The following ATRNL1 variants were observed in gnomAD, a reference collection of about 807,000 sequenced individuals.
ATRNL1 encodes the protein attractin like 1.
A neutral mutation model predicts 182.7 loss-of-function variants in ATRNL1; 95 were observed. That is an observed-to-expected ratio of 0.52 (90% CI 0.44 to 0.62). The LOEUF (loss-of-function observed/expected upper bound fraction) is 0.62, where lower values mean the gene tolerates loss of function less well. Ranked by LOEUF, ATRNL1 falls within the 20% of genes least tolerant of loss-of-function variation. The pLI, the probability that ATRNL1 is intolerant of heterozygous loss-of-function variation, is 0.00. For missense variants in ATRNL1, 1,471 were observed against 1,679.5 expected (o/e 0.88, Z 2.17); for synonymous variants, 576 against 568.3 (o/e 1.01, Z -0.19).
At chr10:115,643,123 A>AT (rs1480970434) in intron 26 of ATRNL1, among the ~76,000 whole-genome samples, 1 of 152,220 alleles carries the variant, frequency 6.6e-6, no homozygotes, top group Non-Finnish European at 1.5e-5. Context: ...AAAGTGCAAC[A>AT]TTCATTAAAG....
At chr10:115,109,044 C>G (rs143500385) in intron 1 of ATRNL1, among the ~76,000 whole-genome samples, 64 of 152,302 alleles carry the variant, frequency 4.2e-4, no homozygotes, top group African/African-American at 1.5e-3. Context: ...ATATTCTGAT[C>G]ATAAGCACTA....
chr10:115,472,709 A>C (rs1052810237), intron 24 of ATRNL1, among the ~76,000 whole-genome samples: 1 of 150,990 alleles, frequency 6.6e-6, no homozygotes, highest in African/African-American at 2.4e-5. Flanking sequence ...CTGCAACTTG[A>C]CTGAGTTTTT....
chr10:115,269,119 ATTTG>A (rs782482116), intron 13 of ATRNL1, among the ~76,000 whole-genome samples: 13 of 152,030 alleles, frequency 8.6e-5, no homozygotes, highest in East Asian at 1.9e-4. Flanking sequence ...CCCTATAATT[ATTTG>A]TTTATTTGTT....
At chr10:115,621,617 T>G (rs111411056) in intron 26 of ATRNL1, among the ~76,000 whole-genome samples, 2,985 of 152,136 alleles carry the variant, frequency 0.02, 110 homozygotes, top group African/African-American at 0.069. Flanking sequence ...CTGATTTTTT[T>G]TGTGTAATTT....
intron 24 of ATRNL1, among the ~76,000 whole-genome samples, chr10:115,469,799 A>C (rs570739800): frequency 6.6e-6 from 1 of 150,450 alleles, no homozygotes; most frequent in African/African-American, 2.4e-5. Flanking sequence ...CCTAATCTGT[A>C]CTACATGTGT....
At chr10:115,174,249 C>T (rs11197100) in intron 8 of ATRNL1, among the ~76,000 whole-genome samples, 1,994 of 151,492 alleles carry the variant, frequency 0.013, 40 homozygotes, top group African/African-American at 0.046. Flanking sequence ...TTTTCTTTTC[C>T]TTTCACTTCA....
chr10:115,237,425 CTAA>C (rs1850233607), intron 9 of ATRNL1, among the ~76,000 whole-genome samples: 1 of 152,184 alleles, frequency 6.6e-6, no homozygotes, highest in Non-Finnish European at 1.5e-5. Flanking sequence ...TTTAGCTATT[CTAA>C]TATGTGTGTA....
chr10:115,369,894 T>C (rs193268886), intron 19 of ATRNL1, among the ~76,000 whole-genome samples: 6 of 152,344 alleles, frequency 3.9e-5, no homozygotes, highest in Non-Finnish European at 2.9e-5. Flanking sequence ...TCTTTTCATG[T>C]CCTGATATGG....
intron 26 of ATRNL1, among the ~76,000 whole-genome samples, chr10:115,643,358 A>C (rs1859389274): frequency 6.6e-6 from 1 of 152,182 alleles, no homozygotes; most frequent in African/African-American, 2.4e-5. Context: ...CTAAACGTAA[A>C]GCTGAAAATC....
rs576404014 is a variant in ATRNL1 at position 115,313,188 on chromosome 10, C to G, written c.2819-2330C>G. Among the ~76,000 whole-genome samples, 144 of 151,724 alleles carry G rather than the reference C, an allele frequency of 9.5e-4. 1 individual carries two copies. Among genetic ancestry groups the G allele is most frequent in the African/African-American group, 3.4e-3 (139 of 41,358 alleles). ...TGAAGAGCTAGTGTGATCTTTTTGG[C>G]AGTATTATAAAACCCTATTTTTTCA... On this transcript the variant is annotated intron_variant, in intron 17 of 28. Coordinates refer to ENST00000355044, the MANE Select transcript of ATRNL1 (RefSeq NM_207303.4).
At chr10:115,520,625 G>A (rs548277571) in intron 25 of ATRNL1, among the ~76,000 whole-genome samples, 1 of 152,242 alleles carries the variant, frequency 6.6e-6, no homozygotes, top group Admixed American at 6.5e-5. Context: ...TCCTCAGATG[G>A]CATTTTCTAT....
chr10:115,531,854 C>G (rs1851605777), intron 25 of ATRNL1, among the ~76,000 whole-genome samples: 1 of 144,174 alleles, frequency 6.9e-6, no homozygotes, highest in Non-Finnish European at 1.6e-5. Context: ...TATGGCTAGC[C>G]AGTTTTCCCA....
Position 115,779,625 on chromosome 10 carries a change from A to C in ATRNL1, c.3903+52270A>C, listed in dbSNP as rs78893319. On this transcript the variant is annotated intron_variant, in intron 27 of 28. Transcript: ENST00000355044. ...AAGCTAAATATTAGGAGGACTGTGC[A>C]TATATCCTTTTTTATTTTTTCTAAA... Among the ~76,000 whole-genome samples, 1,514 of 152,326 alleles carry C rather than the reference A, an allele frequency of 9.9e-3. 28 individuals are homozygous for C. Among genetic ancestry groups the C allele is most frequent in the African/African-American group, 0.035 (1,441 of 41,568 alleles).
At chr10:115,789,642 T>G (rs550306195) in intron 27 of ATRNL1, among the ~76,000 whole-genome samples, 2 of 152,302 alleles carry the variant, frequency 1.3e-5, no homozygotes, top group Admixed American at 6.5e-5. Context: ...GGAAAATGCC[T>G]TTGTCATTTT....
intron 26 of ATRNL1, among the ~76,000 whole-genome samples, chr10:115,611,751 A>G (rs1327039537): frequency 6.6e-6 from 1 of 152,142 alleles, no homozygotes; most frequent in Non-Finnish European, 1.5e-5. Flanking sequence ...ATAATTTAGG[A>G]TAATATTTCA....
chr10:115,128,919 A>G (rs1367402022), intron 4 of ATRNL1, among the ~76,000 whole-genome samples: 1 of 151,772 alleles, frequency 6.6e-6, no homozygotes, highest in Non-Finnish European at 1.5e-5. Context: ...GCTCTTTTAT[A>G]TTATACAACC....
intron 28 of ATRNL1, among the ~76,000 whole-genome samples, chr10:115,880,432 T>C (rs1383115318): frequency 1.3e-5 from 2 of 152,216 alleles, no homozygotes; most frequent in Non-Finnish European, 2.9e-5. Flanking sequence ...GAGACCAGCC[T>C]GGCCAACATG....
At chr10:115,523,707 C>A (rs782792232) in intron 25 of ATRNL1, among the ~76,000 whole-genome samples, 1 of 152,144 alleles carries the variant, frequency 6.6e-6, no homozygotes, top group Non-Finnish European at 1.5e-5. Context: ...CTCAACATGG[C>A]CTTTACTGTC....
chr10:115,856,449 A>AAAAAAAAAAAAAAAAAAAAAAAAACAT (rs1565439910), intron 28 of ATRNL1, among the ~76,000 whole-genome samples: 1 of 147,860 alleles, frequency 6.8e-6, no homozygotes, highest in Non-Finnish European at 1.5e-5. Flanking sequence ...AAAAAAAAAA[A>AAAAAAAAAAAAAAAAAAAAAAAAACAT]AGCCATACAT....
Sources: gnomAD v4.1 joint callset for allele counts (sites outside exome capture counted in the v4.1 genomes callset) on GRCh38, gnomAD v4.1.1 for gene constraint, MANE v1.5 for transcripts, NCBI Gene and HGNC (gene_info 2026-07-23, HGNC 2026-07-21) for gene names.